The following RBM25 variants were observed in gnomAD, a reference collection of about 807,000 sequenced individuals.
RBM25 encodes the protein RNA-binding protein 25.
RBM25 carries 19 observed loss-of-function variants against 120.7 expected under a neutral mutation model. The ratio of observed to expected loss-of-function variants is 0.16; its 90% CI spans 0.11 to 0.23. RBM25 has a LOEUF of 0.23. Among genes scored for constraint, RBM25 ranks in the 10% least tolerant of loss-of-function variants. The probability of loss-of-function intolerance (pLI) is 1.00; values close to 1 mark genes in which losing one functional copy is unlikely to be tolerated. For synonymous variants in RBM25, 390 were observed against 326.7 expected (o/e 1.19, Z -2.09); for missense variants, 605 against 1,041.5 (o/e 0.58, Z 5.77).
intron 1 of RBM25, among the ~76,000 whole-genome samples, chr14:73,066,902 A>G (rs191280571): frequency 1.3e-3 from 197 of 152,226 alleles, no homozygotes; most frequent in Admixed American, 5.2e-3. Context: ...GTAAATTGAA[A>G]TAAGAGTATA....
At chr14:73,081,807 G>A (rs1424175547) in intron 4 of RBM25, among the ~76,000 whole-genome samples, 1 of 152,194 alleles carries the variant, frequency 6.6e-6, no homozygotes, top group East Asian at 1.9e-4. Context: ...GTTTTCAGAA[G>A]TCCCGCATCA....
intron 6 of RBM25, among the ~76,000 whole-genome samples, chr14:73,093,173 A>T (rs991672800): frequency 6.6e-6 from 1 of 152,238 alleles, no homozygotes; most frequent in Non-Finnish European, 1.5e-5. Context: ...AAAAACAGTT[A>T]TTCTCTGGAA....
chr14:73,112,652 A>G (rs1307160561), intron 17 of RBM25, among the ~76,000 whole-genome samples: 1 of 150,594 alleles, frequency 6.6e-6, no homozygotes, highest in East Asian at 1.9e-4. Context: ...TCTTTTCCCA[A>G]CTCCTTTGTC....
At chr14:73,066,195 G>C (rs115468337) in intron 1 of RBM25, among the ~76,000 whole-genome samples, 3 of 152,042 alleles carry the variant, frequency 2.0e-5, no homozygotes, top group Non-Finnish European at 2.9e-5. Context: ...CCAGTTTTTG[G>C]TTTTGGTCAA....
intron 1 of RBM25, among the ~76,000 whole-genome samples, chr14:73,062,783 G>A (rs1490302195): frequency 4.0e-5 from 6 of 150,964 alleles, no homozygotes; most frequent in Non-Finnish European, 7.4e-5. Context: ...TGTGACCACC[G>A]CTACACTAGA....
At chr14:73,107,190 G>A (rs1388328235) in intron 12 of RBM25, 1 of 152,176 alleles carries the variant, frequency 6.6e-6, no homozygotes, top group South Asian at 2.1e-4. Context: ...GTGTGCTTAG[G>A]TATTGTATTT....
rs886793550 is a variant in RBM25, at chr14:73,066,257, A to G, written c.-15-5370A>G. Among the ~76,000 whole-genome samples, 8 of 152,160 alleles carry G rather than the reference A, an allele frequency of 5.3e-5. No individual in the cohort carries two copies. In the South Asian group the frequency reaches 1.4e-3, roughly 28 times the overall value. ...AACTCAACACATTTACAGTCTTGCA[A>G]TCTTGTGTTTTTCATTGTTAATATG... On this transcript the variant is annotated intron_variant, in intron 1 of 18. Transcript: ENST00000261973.
intron 14 of RBM25, among the ~76,000 whole-genome samples, chr14:73,109,750 G>A (rs1896268003): frequency 6.6e-6 from 1 of 152,024 alleles, no homozygotes; most frequent in Admixed American, 6.5e-5. Flanking sequence ...CCGAGATCGC[G>A]CCACTGCACT....
In RBM25 at chr14:73,121,196, A is replaced by AT. The variant is rs879930570; in HGVS notation, c.*1405dup. On this transcript the variant is annotated 3_prime_UTR_variant, in exon 19 of 19. Coordinates refer to ENST00000261973, the MANE Select transcript of RBM25 (RefSeq NM_021239.3). ...CATAATGTGAGCTTTGGATTACTGGATTTTTTTTTTTTTTAAACACACCTG... is the reference window on the plus strand; with the variant it reads ...CATAATGTGAGCTTTGGATTACTGGATTTTTTTTTTTTTTTAAACACACCTG... The AT allele has an allele frequency of 7.2e-3, 1,060 of 146,482 alleles. 5 individuals are homozygous for AT. Among genetic ancestry groups the AT allele is most frequent in the African/African-American group, 0.021 (837 of 40,128 alleles). The allele number at this position is 146,482 out of a possible 1,614,324, so 9.1% of individuals were successfully genotyped here.
chr14:73,110,039 C>A (rs1031202811), intron 14 of RBM25, among the ~76,000 whole-genome samples: 1 of 151,644 alleles, frequency 6.6e-6, no homozygotes, highest in Non-Finnish European at 1.5e-5. Context: ...CACGTGCCAC[C>A]ACTCCTGACT....
At chr14:73,078,996 G>T (rs1895492318) in intron 4 of RBM25, among the ~76,000 whole-genome samples, 1 of 152,148 alleles carries the variant, frequency 6.6e-6, no homozygotes, top group Admixed American at 6.6e-5. Context: ...TCCTTTTAAA[G>T]TTTTATTCTG....
intron 17 of RBM25, among the ~76,000 whole-genome samples, chr14:73,113,697 T>G (rs1896364326): frequency 6.7e-6 from 1 of 149,864 alleles, no homozygotes; most frequent in African/African-American, 2.5e-5. Context: ...TGTCTCAAAA[T>G]AAAAAAAAAG....
chr14:73,118,609 C>T (rs892739166), intron 18 of RBM25, among the ~76,000 whole-genome samples: 26 of 151,880 alleles, frequency 1.7e-4, no homozygotes, highest in Admixed American at 1.6e-3. Flanking sequence ...GTATGGTTTC[C>T]TTGGGAAGTA....
intron 1 of RBM25, among the ~76,000 whole-genome samples, chr14:73,071,215 C>G: frequency 6.8e-6 from 1 of 146,594 alleles, no homozygotes. Context: ...GCACTCTAGC[C>G]TGTCCACAGA....
At chr14:73,070,386 A>G (rs576380109) in intron 1 of RBM25, among the ~76,000 whole-genome samples, 71 of 152,196 alleles carry the variant, frequency 4.7e-4, no homozygotes, top group Admixed American at 2.0e-3. Context: ...ATCAAATGCT[A>G]GCTTCTGATT....
intron 10 of RBM25, among the ~76,000 whole-genome samples, chr14:73,105,245 C>A (rs1048615251): frequency 1.3e-5 from 2 of 150,654 alleles, no homozygotes; most frequent in African/African-American, 4.9e-5. Flanking sequence ...GTAGGCAGGA[C>A]TACAGGCACG....
At chr14:73,084,760 C>G (rs996489908) in intron 5 of RBM25, among the ~76,000 whole-genome samples, 2 of 151,606 alleles carry the variant, frequency 1.3e-5, no homozygotes, top group African/African-American at 4.8e-5. Flanking sequence ...CCATGTTGGT[C>G]AGGCTGCTCC....
intron 6 of RBM25, chr14:73,088,437 A>G (rs1449295416): frequency 9.1e-6 from 5 of 551,504 alleles, no homozygotes; most frequent in Non-Finnish European, 1.7e-5. Context: ...GGTACAGACT[A>G]TTCCAAACAG....
chr14:73,106,348 T>G (rs1347697078), intron 12 of RBM25, 63 bp downstream of exon 12: 2 of 1,193,048 alleles, frequency 1.7e-6, no homozygotes, highest in Non-Finnish European at 2.3e-6. Context: ...TCTTTACTGC[T>G]AACTACAAGT....
Sources: allele counts gnomAD v4.1 joint callset (sites outside exome capture counted in the v4.1 genomes callset), GRCh38; gene constraint gnomAD v4.1.1; transcripts MANE v1.5; gene names NCBI Gene and HGNC (gene_info 2026-07-23, HGNC 2026-07-21).